Variants in TTC7B observed in about 807,000 individuals in gnomAD.
The protein encoded by TTC7B is tetratricopeptide repeat domain 7B.
A neutral mutation model predicts 106.8 loss-of-function variants in TTC7B; 28 were observed. That is an observed-to-expected ratio of 0.26 (90% CI 0.19 to 0.36). The LOEUF is 0.36. Among genes scored for constraint, TTC7B ranks in the 10% least tolerant of loss-of-function variants. TTC7B has a pLI of 1.00. For missense variants in TTC7B, 862 were observed against 1,076.4 expected, an observed-to-expected ratio of 0.80 and a Z score of 2.79; for synonymous variants, 405 against 430.6, an observed-to-expected ratio of 0.94 and a Z score of 0.74.
At chr14:90,557,606 T>C (rs1890374982) in intron 19 of TTC7B, among the ~76,000 whole-genome samples, 1 of 152,240 alleles carries the variant, frequency 6.6e-6, no homozygotes. Context: ...CAACTCAGCC[T>C]GCAGGAGCAG....
chr14:90,643,103 T>C (rs530349002), intron 15 of TTC7B, among the ~76,000 whole-genome samples: 13 of 152,216 alleles, frequency 8.5e-5, no homozygotes, highest in Non-Finnish European at 1.5e-4. Flanking sequence ...TACATTCTAA[T>C]GTACATTTAA....
chr14:90,782,886 C>T (rs1891265691), intron 2 of TTC7B, among the ~76,000 whole-genome samples: 1 of 151,708 alleles, frequency 6.6e-6, no homozygotes, highest in South Asian at 2.1e-4. Flanking sequence ...CGCCACTACA[C>T]TGTACACTTA....
intron 5 of TTC7B, among the ~76,000 whole-genome samples, chr14:90,706,217 C>G (rs1236790396): frequency 6.8e-6 from 1 of 147,200 alleles, no homozygotes; most frequent in African/African-American, 2.5e-5. Context: ...AGGCTGGGTG[C>G]AGTGGCGCAA....
chr14:90,721,100 C>T (rs1165025512), intron 5 of TTC7B, among the ~76,000 whole-genome samples: 1 of 152,038 alleles, frequency 6.6e-6, no homozygotes, highest in African/African-American at 2.4e-5. Context: ...AGCATATCAC[C>T]GGTAAACCAT....
At chr14:90,728,916 C>T (rs190812368) in intron 5 of TTC7B, among the ~76,000 whole-genome samples, 1 of 152,258 alleles carries the variant, frequency 6.6e-6, no homozygotes, top group Non-Finnish European at 1.5e-5. Context: ...CCTCTCTTCT[C>T]CTTCTATTTA....
At chr14:90,686,253 G>T (rs555623699) in intron 7 of TTC7B, among the ~76,000 whole-genome samples, 1 of 152,094 alleles carries the variant, frequency 6.6e-6, no homozygotes, top group Non-Finnish European at 1.5e-5. Flanking sequence ...AATTGATGCA[G>T]AAAAAGCAGT....
chr14:90,565,590 T>C (rs1890760786), intron 19 of TTC7B, among the ~76,000 whole-genome samples: 1 of 151,888 alleles, frequency 6.6e-6, no homozygotes, highest in Non-Finnish European at 1.5e-5. Flanking sequence ...TTAGTAGAGA[T>C]GGGGTTTCAC....
chr14:90,633,178 A>G (rs997856876), intron 15 of TTC7B, among the ~76,000 whole-genome samples: 1 of 152,248 alleles, frequency 6.6e-6, no homozygotes, highest in African/African-American at 2.4e-5. Context: ...TGCATACAGC[A>G]TCATGATCAC....
chr14:90,752,438 C>A (rs1182864951), intron 3 of TTC7B, among the ~76,000 whole-genome samples: 1 of 152,210 alleles, frequency 6.6e-6, no homozygotes, highest in African/African-American at 2.4e-5. Flanking sequence ...CCTGTAGATT[C>A]TCTGGAAGTT....
At chr14:90,688,118 G>A (rs1887318338) in intron 7 of TTC7B, among the ~76,000 whole-genome samples, 1 of 152,194 alleles carries the variant, frequency 6.6e-6, no homozygotes, top group Non-Finnish European at 1.5e-5. Context: ...ACATGGAAAA[G>A]GTCTTCAATA....
chr14:90,690,290 T>C (rs1887419650), intron 6 of TTC7B, among the ~76,000 whole-genome samples: 1 of 152,226 alleles, frequency 6.6e-6, no homozygotes, highest in African/African-American at 2.4e-5. Flanking sequence ...AGGTTTTCAC[T>C]GGCCTTGTGC....
chr14:90,782,321 G>A (rs190963052), intron 2 of TTC7B, among the ~76,000 whole-genome samples: 99 of 152,282 alleles, frequency 6.5e-4, no homozygotes, highest in African/African-American at 2.2e-3. Flanking sequence ...CATCCAGGCC[G>A]AGTGCGGTGG....
intron 8 of TTC7B, chr14:90,677,729 C>T (rs561506298): frequency 2.3e-6 from 1 of 429,640 alleles, no homozygotes; most frequent in South Asian, 1.7e-5. Context: ...AAAGGCCACA[C>T]ACACACCTTC....
chr14:90,564,258 A>G (rs1032587437), intron 19 of TTC7B, among the ~76,000 whole-genome samples: 13 of 152,272 alleles, frequency 8.5e-5, no homozygotes, highest in Non-Finnish European at 1.2e-4. Flanking sequence ...GTAACCAAGT[A>G]CATTGTCACT....
intron 3 of TTC7B, chr14:90,767,003 G>A: frequency 1.1e-6 from 1 of 948,368 alleles, no homozygotes; most frequent in Non-Finnish European, 1.6e-6. Flanking sequence ...TGTAGGCCTT[G>A]TCTGTTAATA....
At chr14:90,634,772 A>AAAAAC (rs1884860343) in intron 15 of TTC7B, among the ~76,000 whole-genome samples, 2 of 152,216 alleles carry the variant, frequency 1.3e-5, no homozygotes, top group Non-Finnish European at 2.9e-5. Flanking sequence ...ACTGTCTCAA[A>AAAAAC]AAAACAAAAC....
chr14:90,595,369 A>T (rs571423950), intron 17 of TTC7B, among the ~76,000 whole-genome samples: 12 of 152,264 alleles, frequency 7.9e-5, no homozygotes, highest in South Asian at 4.2e-4. Context: ...ATAAATAATT[A>T]AAAAAGAGTC....
intron 3 of TTC7B, among the ~76,000 whole-genome samples, chr14:90,776,140 G>GACACAC (rs370873395): frequency 0.15 from 20,893 of 140,204 alleles, 1,790 homozygotes; most frequent in East Asian, 0.31. Context: ...GGCCCCCCGT[G>GACACAC]ACACACACAC....
chr14:90,720,166 T>G (rs886587879), intron 5 of TTC7B, among the ~76,000 whole-genome samples: 4 of 152,046 alleles, frequency 2.6e-5, no homozygotes, highest in Admixed American at 1.3e-4. Flanking sequence ...ACCACTCCCT[T>G]CACCCCACCT....
Sources: gnomAD v4.1 joint callset for allele counts (sites outside exome capture counted in the v4.1 genomes callset) on GRCh38, gnomAD v4.1.1 for gene constraint, MANE v1.5 for transcripts, NCBI Gene and HGNC (gene_info 2026-07-23, HGNC 2026-07-21) for gene names.